Variants in SH3GL3 observed in about 807,000 individuals in gnomAD.
The protein encoded by SH3GL3 is SH3 domain containing GRB2 like 3, endophilin A3.
A neutral mutation model predicts 47.7 loss-of-function variants in SH3GL3; 33 were observed. That is an observed-to-expected ratio of 0.69 (90% confidence interval 0.52 to 0.92). The LOEUF (loss-of-function observed/expected upper bound fraction) is 0.92. Ranked by LOEUF, SH3GL3 falls within the 40% of genes least tolerant of loss-of-function variation. The pLI is 0.00. For synonymous variants in SH3GL3, 155 were observed against 148.8 expected (o/e 1.04, Z -0.30); for missense variants, 363 against 417.8 (o/e 0.87, Z 1.14).
chr15:83,509,720 C>T (rs1204318374), intron 1 of SH3GL3, among the ~76,000 whole-genome samples: 1 of 152,048 alleles, frequency 6.6e-6, no homozygotes, highest in Non-Finnish European at 1.5e-5. Flanking sequence ...TATGACGCCT[C>T]CCTAATTATT....
chr15:83,450,353 A>G (rs1447452728), intron 1 of SH3GL3, among the ~76,000 whole-genome samples: 2 of 151,992 alleles, frequency 1.3e-5, no homozygotes, highest in African/African-American at 4.8e-5. Flanking sequence ...GAAATTCTTA[A>G]GTAAGTTAAG....
intron 1 of SH3GL3, among the ~76,000 whole-genome samples, chr15:83,511,609 A>G (rs9888712): frequency 0.38 from 57,452 of 152,030 alleles, 11,295 homozygotes; most frequent in South Asian, 0.67. Context: ...CACTATTACT[A>G]CTACTACGGG....
intron 1 of SH3GL3, among the ~76,000 whole-genome samples, chr15:83,491,079 T>C (rs2041853843): frequency 2.0e-5 from 3 of 152,212 alleles, no homozygotes; most frequent in South Asian, 2.1e-4. Flanking sequence ...TAATGTCTAA[T>C]GTGTGCTGGG....
chr15:83,474,051 C>T (rs1453048359), intron 1 of SH3GL3, among the ~76,000 whole-genome samples: 4 of 151,926 alleles, frequency 2.6e-5, no homozygotes, highest in Non-Finnish European at 5.9e-5. Flanking sequence ...ATATAATGCC[C>T]GGGGTTTTAA....
chr15:83,612,254 A>G (rs1378493668), intron 8 of SH3GL3, among the ~76,000 whole-genome samples: 1 of 152,142 alleles, frequency 6.6e-6, no homozygotes, highest in African/African-American at 2.4e-5. Context: ...TGTTGCCTAG[A>G]TGTGAGGGGG....
At chr15:83,588,475 T>A (rs757676841) in intron 7 of SH3GL3, among the ~76,000 whole-genome samples, 187 bp from the exon 8 acceptor site, 2 of 152,034 alleles carry the variant, frequency 1.3e-5, no homozygotes, top group African/African-American at 2.4e-5. Flanking sequence ...AAATAGGGAG[T>A]TGAAAAACTG....
intron 1 of SH3GL3, among the ~76,000 whole-genome samples, chr15:83,536,502 A>G (rs2043917671): frequency 6.7e-6 from 1 of 149,832 alleles, no homozygotes; most frequent in African/African-American, 2.5e-5. Flanking sequence ...CTTCGGGTTC[A>G]AGTGATTCTC....
intron 1 of SH3GL3, among the ~76,000 whole-genome samples, chr15:83,497,982 A>T (rs549855204): frequency 1.5e-4 from 23 of 152,274 alleles, no homozygotes; most frequent in Non-Finnish European, 1.5e-5. Flanking sequence ...AACTTTTTAA[A>T]ATCAGTGATC....
intron 6 of SH3GL3, among the ~76,000 whole-genome samples, chr15:83,583,819 AACC>A: frequency 6.6e-6 from 1 of 152,134 alleles, no homozygotes; most frequent in East Asian, 1.9e-4. Flanking sequence ...GATACAGCCA[AACC>A]AACAATGAAG....
chr15:83,571,503 A>G (rs377143002), intron 4 of SH3GL3, among the ~76,000 whole-genome samples: 1 of 152,140 alleles, frequency 6.6e-6, no homozygotes, highest in African/African-American at 2.4e-5. Flanking sequence ...CTGGGTCCGT[A>G]TGGAGTCCTG....
At chr15:83,608,360 T>C (rs1210721462) in intron 8 of SH3GL3, among the ~76,000 whole-genome samples, 2 of 152,132 alleles carry the variant, frequency 1.3e-5, no homozygotes, top group African/African-American at 4.8e-5. Flanking sequence ...ATAGCAAAGA[T>C]GCAGGGATCT....
At chr15:83,586,040 A>T (rs2059945993) in intron 6 of SH3GL3, among the ~76,000 whole-genome samples, 1 of 152,228 alleles carries the variant, frequency 6.6e-6, no homozygotes, top group Admixed American at 6.5e-5. Context: ...AATGATGCAT[A>T]GGCTTTGGGG....
At chr15:83,600,926 T>C (rs984785400) in intron 8 of SH3GL3, among the ~76,000 whole-genome samples, 1 of 152,220 alleles carries the variant, frequency 6.6e-6, no homozygotes, top group African/African-American at 2.4e-5. Context: ...GTTAGGTATA[T>C]TTCTAAGTTT....
chr15:83,550,219 C>T (rs550686938), intron 1 of SH3GL3, among the ~76,000 whole-genome samples: 1 of 152,218 alleles, frequency 6.6e-6, no homozygotes, highest in African/African-American at 2.4e-5. Flanking sequence ...GAAAAAGGAA[C>T]CTTTCAAAAG....
At chr15:83,515,775 T>A (rs1050317663) in intron 1 of SH3GL3, among the ~76,000 whole-genome samples, 32 of 152,206 alleles carry the variant, frequency 2.1e-4, no homozygotes, top group African/African-American at 7.2e-4. Context: ...AAAATTCAAA[T>A]TAACATCACT....
At chr15:83,492,279 C>CAAAAAAAA (rs11300008) in intron 1 of SH3GL3, among the ~76,000 whole-genome samples, 1 of 51,488 alleles carries the variant, frequency 1.9e-5, no homozygotes, top group Non-Finnish European at 3.3e-5. Flanking sequence ...GACTCCCTCT[C>CAAAAAAAA]AAAAAAAAAA....
chr15:83,537,866 G>A (rs1444655749), intron 1 of SH3GL3, among the ~76,000 whole-genome samples: 4 of 152,040 alleles, frequency 2.6e-5, no homozygotes, highest in East Asian at 1.9e-4. Flanking sequence ...TGTTATAGAT[G>A]TTATGGATAT....
At chr15:83,489,561 C>T (rs888178540) in intron 1 of SH3GL3, among the ~76,000 whole-genome samples, 1 of 152,228 alleles carries the variant, frequency 6.6e-6, no homozygotes, top group African/African-American at 2.4e-5. Flanking sequence ...CATTATTCTC[C>T]TATAACTAAA....
At chr15:83,591,017 CT>C (rs931366795) in intron 8 of SH3GL3, among the ~76,000 whole-genome samples, 1 of 151,616 alleles carries the variant, frequency 6.6e-6, no homozygotes. Context: ...TTTTCTTTTT[CT>C]TTTTTTTGAG....
Sources: gnomAD v4.1 joint callset for allele counts (sites outside exome capture counted in the v4.1 genomes callset) on GRCh38, gnomAD v4.1.1 for gene constraint, MANE v1.5 for transcripts, NCBI Gene and HGNC (gene_info 2026-07-23, HGNC 2026-07-21) for gene names.